Variants in RARB observed in about 807,000 individuals in gnomAD.
RARB encodes HBV-activated protein.
In RARB, 17 loss-of-function variants were observed where a neutral mutation model predicts 51.9. The ratio of observed to expected loss-of-function variants is 0.33; its 90% CI spans 0.22 to 0.49. The LOEUF (loss-of-function observed/expected upper bound fraction) is 0.49, where lower values mean the gene tolerates loss of function less well. RARB is among the 20% of genes least tolerant of loss of function. The pLI is 0.99. For missense variants in RARB, 369 were observed against 550.8 expected (o/e 0.67, Z 3.30); for synonymous variants, 215 against 195.4 (o/e 1.10, Z -0.84).
At chr3:25,019,341 AAAAG>A (rs1697578786) in intron 2 of RARB, among the ~76,000 whole-genome samples, 1 of 152,218 alleles carries the variant, frequency 6.6e-6, no homozygotes, top group Non-Finnish European at 1.5e-5. Context: ...AGAGAAGCTG[AAAAG>A]AAAGATAGAG....
intron 5 of RARB, among the ~76,000 whole-genome samples, chr3:25,268,862 T>C (rs751179055): frequency 4.0e-4 from 61 of 152,214 alleles, no homozygotes; most frequent in Non-Finnish European, 7.2e-4. Flanking sequence ...AAAATATTTG[T>C]GCATTTTGCA....
At chr3:25,152,981 A>T (rs953682793) in intron 4 of RARB, among the ~76,000 whole-genome samples, 1 of 152,204 alleles carries the variant, frequency 6.6e-6, no homozygotes, top group African/African-American at 2.4e-5. Flanking sequence ...ACCATGACAA[A>T]CAGTTTGAAG....
At chr3:25,174,600 C>T (rs775507678) in intron 5 of RARB, 1 of 1,351,242 alleles carries the variant, frequency 7.4e-7, no homozygotes, top group East Asian at 4.6e-5. Flanking sequence ...AATTTGCTCT[C>T]TTTTCTCTGG....
intron 2 of RARB, among the ~76,000 whole-genome samples, chr3:25,035,555 C>G (rs139976231): frequency 6.7e-6 from 1 of 148,944 alleles, no homozygotes; most frequent in Non-Finnish European, 1.5e-5. Context: ...CATTCAGGTA[C>G]AGAAAAATAG....
At chr3:25,132,957 G>A (rs1377829077) in intron 4 of RARB, among the ~76,000 whole-genome samples, 2 of 150,806 alleles carry the variant, frequency 1.3e-5, no homozygotes, top group Non-Finnish European at 3.0e-5. Context: ...CTATGCCATG[G>A]TATTTTATCA....
chr3:25,216,089 A>G (rs558773338), intron 5 of RARB, among the ~76,000 whole-genome samples: 1 of 152,246 alleles, frequency 6.6e-6, no homozygotes, highest in South Asian at 2.1e-4. Flanking sequence ...ATATGTACTT[A>G]TTGTTAAAAT....
intron 2 of RARB, among the ~76,000 whole-genome samples, chr3:25,468,346 T>C (rs1041043973): frequency 3.4e-4 from 50 of 148,052 alleles, no homozygotes; most frequent in African/African-American, 1.2e-3. Flanking sequence ...CCTTGTTGGG[T>C]GCCTTCTGTA....
intron 2 of RARB, among the ~76,000 whole-genome samples, chr3:24,877,365 G>GTTTTTTTTTTTTTTTTTTTTTTTT (rs1383289916): frequency 7.1e-5 from 1 of 13,994 alleles, no homozygotes. Flanking sequence ...TTTTTTTTTG[G>GTTTTTTTTTTTTTTTTTTTTTTTT]AAAATTCACA....
intron 5 of RARB, among the ~76,000 whole-genome samples, chr3:25,289,740 AT>A (rs35019857): frequency 6.6e-6 from 1 of 151,982 alleles, no homozygotes; most frequent in Non-Finnish European, 1.5e-5. Flanking sequence ...AAGGCGAAGG[AT>A]TTTTTTTCTA....
rs536196867 is a variant in RARB, at chr3:25,326,784, A to G, written c.179-134409A>G. Among the ~76,000 whole-genome samples, 14 of 152,222 alleles carry G rather than the reference A, an allele frequency of 9.2e-5. No homozygotes were observed. The South Asian group carries it at 2.3e-3, about 25-fold the overall frequency. On this transcript the variant is annotated intron_variant, in intron 5 of 11. Coordinates refer to the RARB transcript ENST00000383772. ...TATTTAATAGGTAGGCTGGATGACAATATCAAGAAACACTCACAAAATGTA... is the reference window on the plus strand; with the variant it reads ...TATTTAATAGGTAGGCTGGATGACAGTATCAAGAAACACTCACAAAATGTA...
chr3:25,281,703 T>A lies in RARB; in HGVS notation c.178+107128T>A, dbSNP rs181323145. On this transcript the variant is annotated intron_variant, in intron 5 of 11. Coordinates refer to the RARB transcript ENST00000383772. ...TAGCCTAAGCGTCATGCCAGCTCTG[T>A]TGAGGAGGATTTTAATGACTGGGAG... 7.9e-5 allele frequency among the ~76,000 whole-genome samples: 12 copies of A among 152,290 alleles called. No individual in the cohort carries two copies. The East Asian group carries it at 2.3e-3, about 29-fold the overall frequency.
At chr3:25,228,931 G>GT (rs1702116483) in intron 5 of RARB, among the ~76,000 whole-genome samples, 1 of 151,888 alleles carries the variant, frequency 6.6e-6, no homozygotes, top group Non-Finnish European at 1.5e-5. Flanking sequence ...TTTTTTCCTT[G>GT]TTTCTTTGTT....
At chr3:25,088,823 G>A (rs1699146810) in intron 3 of RARB, among the ~76,000 whole-genome samples, 2 of 152,094 alleles carry the variant, frequency 1.3e-5, no homozygotes, top group South Asian at 4.1e-4. Flanking sequence ...AAGTTGCTAA[G>A]TTGCTGACTG....
At chr3:24,938,341 G>A (rs573875365) in intron 2 of RARB, among the ~76,000 whole-genome samples, 2 of 152,238 alleles carry the variant, frequency 1.3e-5, no homozygotes, top group South Asian at 2.1e-4. Context: ...TTAGAGAACC[G>A]TATGTTTCCT....
upstream of RARB, among the ~76,000 whole-genome samples, chr3:25,427,415 A>G (rs1442151408): frequency 2.6e-5 from 4 of 152,224 alleles, no homozygotes; most frequent in African/African-American, 9.7e-5. Flanking sequence ...TTAAATACTT[A>G]TCCCAGAACA....
chr3:25,092,209 C>A (rs538934058), intron 3 of RARB, among the ~76,000 whole-genome samples: 1 of 152,078 alleles, frequency 6.6e-6, no homozygotes, highest in South Asian at 2.1e-4. Flanking sequence ...CTTTCCCATC[C>A]GTTAAGTGAT....
intron 2 of RARB, among the ~76,000 whole-genome samples, chr3:25,016,559 C>T (rs898117268): frequency 2.0e-5 from 3 of 152,154 alleles, no homozygotes; most frequent in African/African-American, 7.2e-5. Context: ...TCACAGATGT[C>T]ACACTTGTGA....
chr3:25,493,115 T>G (rs1696827404), intron 2 of RARB, among the ~76,000 whole-genome samples: 1 of 152,096 alleles, frequency 6.6e-6, no homozygotes. Context: ...CCATCTAACT[T>G]GACTTGTTCA....
intron 5 of RARB, among the ~76,000 whole-genome samples, chr3:25,291,813 G>T (rs1205123677): frequency 6.6e-6 from 1 of 151,952 alleles, no homozygotes; most frequent in African/African-American, 2.4e-5. Flanking sequence ...ACCCTTTAAA[G>T]ATCTGGCAAA....
Sources: gnomAD v4.1 joint callset for allele counts (sites outside exome capture counted in the v4.1 genomes callset) on GRCh38, gnomAD v4.1.1 for gene constraint, MANE v1.5 for transcripts, NCBI Gene and HGNC (gene_info 2026-07-23, HGNC 2026-07-21) for gene names.